MYO15B: variants seen among roughly 807,000 people sequenced by gnomAD.
The protein encoded by MYO15B is myosin XVB, also known as myosin XVB pseudogene.
MYO15B carries 207 observed loss-of-function variants against 119.3 expected under a neutral mutation model. That is an observed-to-expected ratio of 1.73 (90% confidence interval 1.55 to 1.95). MYO15B has a LOEUF of 1.95. Ranked by LOEUF, MYO15B falls within the 30% of genes most tolerant of loss-of-function variation. The pLI, the probability that MYO15B is intolerant of heterozygous loss-of-function variation, is 0.00. For synonymous variants in MYO15B, 966 were observed against 498.9 expected (o/e 1.94, Z -12.48); for missense variants, 2,264 against 1,203.1 (o/e 1.88, Z -13.04).
chr17:75,589,913 G>A lies in MYO15B; in HGVS notation c.1856G>A (p.Gly619Asp). 2.5e-6 allele frequency: 1 copy of A among 398,680 alleles called. No individual in the cohort carries two copies. The highest frequency in any genetic ancestry group is 4.4e-6 in the Non-Finnish European group (1 of 226,004). 24.7% of individuals were successfully genotyped at this position (398,680 alleles called of 1,614,324 possible). The stretch of plus-strand genomic sequence containing the variant: ...GACGGGCCTTCCCTCGACGAGAGCG[G>A]CTCCAGCAGTGAGGCGGAGTTGGAG... The change falls in exon 1 of 64, where the codon GGC (glycine) becomes GAC (aspartate). Residue 619 changes from glycine (G) to aspartate (D), a missense_variant. Gly to Asp is a moderately conservative substitution (Grantham distance 94). Transcript: ENST00000645453. The surrounding 1 kb of genome is among the most constrained non-coding windows in gnomAD (Gnocchi z 4.2).
exon 7 of MYO15B, chr17:75,592,244 C>G: frequency 4.3e-6 from 3 of 702,842 alleles, no homozygotes; most frequent in Admixed American, 2.0e-5. Context: ...ACAGAGGGGT[C>G]ATCGTGGGAG....
At chr17:75,624,574 G>T in exon 58 of MYO15B, 2 of 702,992 alleles carry the variant, frequency 2.8e-6, no homozygotes, top group South Asian at 1.5e-5. Flanking sequence ...GAGCTGTGCC[G>T]GCAAATGGGT....
Position 75,622,095 on chromosome 17 carries a change from T to C in MYO15B, c.8082+15T>C. On this transcript the variant is annotated intron_variant, in intron 53 of 63. Transcript: ENST00000645453. ...AACTGCTGAAGGTAAGCCTGGGCTG[T>C]GCGACCCCCAGCGCCTGTGCCTGTC... 1.4e-6 allele frequency: 1 copy of C among 702,910 alleles called. No individual in the cohort carries two copies. The highest frequency in any genetic ancestry group is 2.7e-5 in the East Asian group (1 of 37,286). The allele number at this position is 702,910 out of a possible 1,614,324, so 43.5% of individuals were successfully genotyped here. A position where few individuals can be genotyped will look rare whatever the true frequency, so the allele number is the denominator to read the frequency against.
At chr17:75,592,129 G>A (rs1326498935) in intron 6 of MYO15B, 49 bp downstream of exon 6, 2 of 702,074 alleles carry the variant, frequency 2.8e-6, no homozygotes, top group South Asian at 1.5e-5. Context: ...ACCCTTCCTG[G>A]GTCCTTGGGC....
intron 30 of MYO15B, 77 bp downstream of exon 30, chr17:75,614,437 G>C: frequency 1.5e-6 from 1 of 676,730 alleles, no homozygotes; most frequent in Non-Finnish European, 2.7e-6. Flanking sequence ...ACACTCAGGG[G>C]TTTATAGGAG....
chr17:75,625,449 G>A (rs2058984813), intron 60 of MYO15B, 78 bp from the exon 61 acceptor site: 3 of 689,180 alleles, frequency 4.4e-6, no homozygotes, highest in East Asian at 5.4e-5. Flanking sequence ...AATAGGCACT[G>A]GTTATTTGGC....
chr17:75,602,336 G>A lies in MYO15B; in HGVS notation c.3652-181G>A, dbSNP rs756997792. 14 of 697,128 alleles carry A rather than the reference G, an allele frequency of 2.0e-5. No individual in the cohort carries two copies. The East Asian group carries it at 3.0e-4, about 15-fold the overall frequency. 43.2% of individuals were successfully genotyped at this position (697,128 alleles called of 1,614,324 possible). On this transcript the variant is annotated intron_variant, in intron 15 of 63. Transcript: ENST00000645453. ...TGCTGGGGACTGGACCTGTCCATGG[G>A]GTGGAATGGAAAGTCCAGTGGCAGA...
At position 75,619,234 on chromosome 17, in the gene MYO15B, C is replaced by T; in HGVS notation, c.7063+16C>T. On this transcript the variant is annotated intron_variant, in intron 44 of 63. Coordinates refer to ENST00000645453, the Ensembl canonical transcript of MYO15B. ...GACCTGCTGGGTATGGGTCCAGGGA[C>T]CATGGAGTTGGGAGCTTGAGTGCTG... 1.4e-6 allele frequency: 1 copy of T among 702,756 alleles called. No homozygotes were observed. Among genetic ancestry groups the T allele is most frequent in the Non-Finnish European group, 2.6e-6 (1 of 384,958 alleles). 43.5% of individuals were successfully genotyped at this position (702,756 alleles called of 1,614,324 possible).
chr17:75,619,476 G>T (rs770855735), exon 45 of MYO15B: 26 of 701,978 alleles, frequency 3.7e-5, no homozygotes, highest in Middle Eastern at 4.8e-4. Flanking sequence ...TTCCTGTCTC[G>T]GTCAGTGGCG....
intron 12 of MYO15B, chr17:75,596,250 C>G: frequency 1.7e-6 from 1 of 577,840 alleles, no homozygotes; most frequent in Non-Finnish European, 3.1e-6. Flanking sequence ...CAGCAGAGGG[C>G]AGGGGTGTGG....
rs1241148194 is a variant in MYO15B, at chr17:75,592,272, C to A, written c.2686C>A (p.Leu896Ile). Residue 896 changes from leucine to isoleucine, a missense_variant, in exon 7 of 64, where the codon CTA becomes ATA. Transcript: ENST00000645453. ...CGTGGGAGCCTCTGTGTCTCATTAT[C>A]TACTTGAGACCTCCAGGGTGGTGTT... 8.5e-6 allele frequency: 6 copies of A among 702,776 alleles called. No homozygotes were observed. The East Asian group carries it at 1.6e-4, about 19-fold the overall frequency. The allele number at this position is 702,776 out of a possible 1,614,324, so 43.5% of individuals were successfully genotyped here. A position where few individuals can be genotyped will look rare whatever the true frequency, so the allele number is the denominator to read the frequency against.
At chr17:75,592,928 G>T (rs1450937596) in intron 9 of MYO15B, 88 bp downstream of exon 9, 3 of 645,214 alleles carry the variant, frequency 4.6e-6, no homozygotes, top group Non-Finnish European at 8.5e-6. Flanking sequence ...TGGTGTGTAG[G>T]AGACTACAGA....
At chr17:75,614,275 G>A (rs1041521778) in exon 30 of MYO15B, 15 of 702,664 alleles carry the variant, frequency 2.1e-5, no homozygotes, top group Middle Eastern at 2.3e-4. Flanking sequence ...GGCTGGCTGC[G>A]ACTTTGTGCT....
intron 29 of MYO15B, 23 bp from the exon 30 acceptor site, chr17:75,614,176 C>CT (rs934153694): frequency 5.7e-6 from 4 of 699,860 alleles, no homozygotes; most frequent in African/African-American, 5.2e-5. Context: ...GCCTGCCTCA[C>CT]TGACTGGTCC....
chr17:75,598,883 AGGT>A (rs2057059206), intron 14 of MYO15B, among the ~76,000 whole-genome samples: 1 of 152,084 alleles, frequency 6.6e-6, no homozygotes, highest in Non-Finnish European at 1.5e-5. Context: ...AATATCACTT[AGGT>A]CTATGTTATG....
chr17:75,594,866 C>T (rs866316256), exon 12 of MYO15B: 2 of 702,934 alleles, frequency 2.8e-6, no homozygotes, highest in Admixed American at 2.0e-5. Flanking sequence ...GCACTGTATT[C>T]CCGCCTCTTC....
At chr17:75,624,798 C>T in exon 59 of MYO15B, 1 of 702,934 alleles carries the variant, frequency 1.4e-6, no homozygotes, top group East Asian at 2.7e-5. Flanking sequence ...CTGCAGCCCG[C>T]CGAATACCTC....
exon 13 of MYO15B, chr17:75,596,481 G>C (rs1311668709): frequency 4.3e-6 from 3 of 701,168 alleles, no homozygotes; most frequent in Non-Finnish European, 7.8e-6. Flanking sequence ...GAATGGCCTG[G>C]AGCAACTGTG....
chr17:75,616,943 T>C, exon 40 of MYO15B: 1 of 702,858 alleles, frequency 1.4e-6, no homozygotes, highest in Non-Finnish European at 2.6e-6. Flanking sequence ...GTATCAACGG[T>C]GCCCACTCGT....
Sources: allele counts gnomAD v4.1 joint callset (sites outside exome capture counted in the v4.1 genomes callset), GRCh38; gene constraint gnomAD v4.1.1; non-coding constraint Gnocchi (gnomAD v3.1); transcripts MANE v1.5; gene names NCBI Gene and HGNC (gene_info 2026-07-23, HGNC 2026-07-21).